PTPRN2: variants seen among roughly 807,000 people sequenced by gnomAD.
PTPRN2 encodes protein tyrosine phosphatase receptor type N2.
A neutral mutation model predicts 118.8 loss-of-function variants in PTPRN2; 74 were observed. The observed-to-expected ratio is 0.62, with a 90% CI of 0.52 to 0.76. The LOEUF (loss-of-function observed/expected upper bound fraction) is 0.76, where lower values mean the gene tolerates loss of function less well. Among genes scored for constraint, PTPRN2 ranks in the 30% least tolerant of loss-of-function variants. PTPRN2 has a pLI of 0.00. For synonymous variants in PTPRN2, 641 were observed against 608.0 expected (o/e 1.05, Z -0.80); for missense variants, 1,481 against 1,394.4 (o/e 1.06, Z -0.99).
At chr7:157,865,979 C>G (rs541188214) in intron 12 of PTPRN2, 1 of 152,578 alleles carries the variant, frequency 6.6e-6, no homozygotes, top group Admixed American at 6.5e-5. Flanking sequence ...CAGATGCTCC[C>G]CGGCCTCCTT....
intron 21 of PTPRN2, among the ~76,000 whole-genome samples, chr7:157,562,590 C>A (rs1799244783): frequency 6.6e-6 from 1 of 152,224 alleles, no homozygotes; most frequent in South Asian, 2.1e-4. Context: ...GTCCGGGGAC[C>A]TTCAAAGTCC....
intron 3 of PTPRN2, among the ~76,000 whole-genome samples, chr7:158,314,175 C>T (rs75429448): frequency 0.023 from 3,563 of 152,264 alleles, 149 homozygotes; most frequent in African/African-American, 0.079. Context: ...TAGAGCCGGG[C>T]TGAAATTACG....
rs969414779 is a variant in PTPRN2 at position 158,138,676 on chromosome 7, C to T, written c.911-161G>A. Among the ~76,000 whole-genome samples the T allele has an allele frequency of 6.6e-5, 10 of 152,366 alleles. No individual in the cohort carries two copies. In the South Asian group the frequency reaches 1.7e-3, roughly 25 times the overall value. ...GCTCAGAGAAGATTGGGATATTGGA[C>T]TTGAATCTCAAATCCACCTGACCCT... On this transcript the variant is annotated intron_variant, in intron 6 of 22. Transcript: ENST00000389418.
intron 3 of PTPRN2, among the ~76,000 whole-genome samples, chr7:158,288,939 C>G (rs1586139575): frequency 6.6e-6 from 1 of 152,202 alleles, no homozygotes; most frequent in Middle Eastern, 3.4e-3. Context: ...ACAGCTTTGC[C>G]AAGTACAGTA....
intron 1 of PTPRN2, among the ~76,000 whole-genome samples, chr7:158,504,410 C>T (rs1246824371): frequency 6.6e-6 from 1 of 152,142 alleles, no homozygotes; most frequent in Non-Finnish European, 1.5e-5. Context: ...CATGTGCTCC[C>T]GTCATTCAGC....
intron 3 of PTPRN2, among the ~76,000 whole-genome samples, chr7:158,265,244 A>G (rs955498527): frequency 1.3e-5 from 2 of 152,014 alleles, no homozygotes; most frequent in Admixed American, 1.3e-4. Flanking sequence ...CTGGTGCTGG[A>G]AACACCCCCA....
intron 1 of PTPRN2, among the ~76,000 whole-genome samples, chr7:158,502,923 A>G (rs1390099861): frequency 1.7e-4 from 24 of 138,090 alleles, no homozygotes; most frequent in Non-Finnish European, 4.7e-5. Context: ...GTGTCCATCA[A>G]CTACTGTGTC....
At chr7:157,793,919 C>G (rs968228724) in intron 12 of PTPRN2, among the ~76,000 whole-genome samples, 1 of 152,186 alleles carries the variant, frequency 6.6e-6, no homozygotes, top group Admixed American at 6.5e-5. Flanking sequence ...TCGGCCCCCT[C>G]TCTGCCAGAG....
At chr7:158,162,337 C>G (rs1286037919) in intron 6 of PTPRN2, among the ~76,000 whole-genome samples, 1 of 152,150 alleles carries the variant, frequency 6.6e-6, no homozygotes, top group Non-Finnish European at 1.5e-5. Flanking sequence ...ATGGAAGCAA[C>G]CAAGATGTTC....
intron 11 of PTPRN2, among the ~76,000 whole-genome samples, chr7:158,012,607 T>A (rs1806131843): frequency 6.6e-6 from 1 of 152,296 alleles, no homozygotes; most frequent in African/African-American, 2.4e-5. Flanking sequence ...ACATGGTACA[T>A]TTGTTTCTCA....
intron 11 of PTPRN2, among the ~76,000 whole-genome samples, chr7:158,004,028 C>A (rs773276067): frequency 6.6e-6 from 1 of 152,148 alleles, no homozygotes; most frequent in African/African-American, 2.4e-5. Context: ...CTCCGGCTCT[C>A]GGATGGGAGC....
chr7:157,791,840 A>G (rs1247593898), intron 12 of PTPRN2, among the ~76,000 whole-genome samples: 2 of 152,252 alleles, frequency 1.3e-5, no homozygotes, highest in Admixed American at 1.3e-4. Flanking sequence ...ACCTACAGCC[A>G]GCAACGCCGT....
At chr7:158,039,805 A>C (rs138024318) in intron 11 of PTPRN2, among the ~76,000 whole-genome samples, 1,855 of 152,362 alleles carry the variant, frequency 0.012, 18 homozygotes, top group Non-Finnish European at 0.018. Context: ...AGATATTGGA[A>C]TTATCAGACA....
chr7:157,839,391 A>C (rs930391942), intron 12 of PTPRN2, among the ~76,000 whole-genome samples: 2 of 148,146 alleles, frequency 1.4e-5, no homozygotes, highest in African/African-American at 5.0e-5. Flanking sequence ...TATGTGGTGG[A>C]GTGTGTGTGG....
In PTPRN2 at chr7:157,813,055, G is replaced by A. The variant is rs889139003; in HGVS notation, c.1788+85618C>T. ...ATGACTCGGTGACAAACAGGAGGAC[G>A]GTGCTCAAATGACTGTGACACGTGC... On this transcript the variant is annotated intron_variant, in intron 12 of 22. Coordinates refer to ENST00000389418, the MANE Select transcript of PTPRN2 (RefSeq NM_002847.5). This position sits in a 1 kb window ranked among gnomAD's most constrained non-coding sequence, Gnocchi z 4.7. Among the ~76,000 whole-genome samples the A allele has an allele frequency of 9.9e-5, 15 of 152,254 alleles. No homozygotes were observed. Among genetic ancestry groups the A allele is most frequent in the East Asian group, 9.6e-4 (5 of 5,182 alleles).
At chr7:158,553,858 C>A (rs77637507) in intron 1 of PTPRN2, among the ~76,000 whole-genome samples, 1 of 150,402 alleles carries the variant, frequency 6.6e-6, no homozygotes, top group Non-Finnish European at 1.5e-5. Flanking sequence ...TTGGAGGGCT[C>A]CAGCTCCTAA....
chr7:158,046,341 C>T (rs1348800271), intron 11 of PTPRN2, among the ~76,000 whole-genome samples: 1 of 151,242 alleles, frequency 6.6e-6, no homozygotes, highest in Middle Eastern at 3.2e-3. Flanking sequence ...ATCCTGGTGT[C>T]CTGACACTGC....
chr7:157,898,104 T>A (rs1358219239), intron 12 of PTPRN2, among the ~76,000 whole-genome samples: 1 of 151,880 alleles, frequency 6.6e-6, no homozygotes, highest in Non-Finnish European at 1.5e-5. Flanking sequence ...CATGGTAAGG[T>A]TTGGACACAC....
At chr7:157,899,632 G>T (rs1441332241) in intron 11 of PTPRN2, among the ~76,000 whole-genome samples, 3 of 144,990 alleles carry the variant, frequency 2.1e-5, no homozygotes, top group Non-Finnish European at 3.2e-5. Context: ...ACCCCTTATT[G>T]TAACGCCCCT....
Sources: gnomAD v4.1 joint callset for allele counts (sites outside exome capture counted in the v4.1 genomes callset) on GRCh38, gnomAD v4.1.1 for gene constraint, Gnocchi (gnomAD v3.1) non-coding constraint, MANE v1.5 for transcripts, NCBI Gene and HGNC (gene_info 2026-07-23, HGNC 2026-07-21) for gene names.